The following EP400 variants were observed in gnomAD, a reference collection of about 807,000 sequenced individuals.
EP400 encodes the protein E1A-binding protein p400.
Under a neutral mutation model 354.1 loss-of-function variants are expected in EP400, and 105 were observed. The observed-to-expected ratio is 0.30, with a 90% CI of 0.25 to 0.35. EP400 has a LOEUF of 0.35. EP400 is among the 10% of genes least tolerant of loss of function. The pLI is 1.00. For synonymous variants in EP400, 1,646 were observed against 1,716.9 expected (o/e 0.96, Z 1.02); for missense variants, 3,280 against 4,121.0 (o/e 0.80, Z 5.59).
rs1210810583 is a variant in EP400 at position 132,069,500 on chromosome 12, C to T, written c.8880C>T (p.Thr2960=). ...ATTTCGCAGTCTCTCCCCAGATCAC[C>T]GCACAGCAGATCACCACCCCTGGCG... The part of the protein sequence containing the change: ...QGPAAVQQKI[T]AQQITTPGAQ... The change falls in exon 51 of 53, where the codon ACC becomes ACT. Residue 2960 remains threonine, a synonymous_variant. Transcript: ENST00000389561. The T allele has an allele frequency of 6.8e-6, 11 of 1,613,984 alleles. No individual in the cohort carries two copies. The highest frequency in any genetic ancestry group is 2.7e-5 in the African/African-American group (2 of 74,946).
Position 131,986,806 on chromosome 12 carries a change from T to C in EP400, c.2222T>C (p.Leu741Pro). The C allele has an allele frequency of 1.3e-6, 2 of 1,595,206 alleles. No individual in the cohort carries two copies. Among genetic ancestry groups the C allele is most frequent in the Non-Finnish European group, 1.7e-6 (2 of 1,169,750 alleles). The part of the protein sequence containing the change: ...SQDTLTEQIT[L>P]ENQVHQRIAE... The stretch of plus-strand genomic sequence containing the variant: ...GATACGCTGACAGAACAAATAACTC[T>C]GGTAAGCATGCTTAAGAAAGTTGTA... Residue 741 changes from leucine (L) to proline (P), a missense_variant and splice_region_variant, in exon 6 of 53, where the codon CTG (leucine) becomes CCG (proline). Physicochemically the swap from Leu to Pro is moderately conservative, Grantham distance 98. Around this residue, in one of 20 missense-constraint regions of EP400, gnomAD observed 800 missense variants for 840.0 expected, o/e 0.95. Coordinates refer to ENST00000389561, the MANE Select transcript of EP400 (RefSeq NM_015409.5).
At chr12:132,008,168 G>A (rs1426499381) in intron 15 of EP400, among the ~76,000 whole-genome samples, 4 of 152,116 alleles carry the variant, frequency 2.6e-5, no homozygotes, top group Non-Finnish European at 4.4e-5. Flanking sequence ...GGCTGGTCTC[G>A]AACTCCCAAC....
intron 32 of EP400, among the ~76,000 whole-genome samples, chr12:132,041,654 G>A (rs1894913953): frequency 6.6e-6 from 1 of 152,240 alleles, no homozygotes; most frequent in East Asian, 1.9e-4. Context: ...AAGCACGTAT[G>A]TGCAATTCAG....
rs1432705889 is a variant in EP400, at chr12:132,050,530, G to T, written c.7338-69G>T. The T allele has an allele frequency of 2.5e-6, 4 of 1,613,016 alleles. No individual in the cohort carries two copies. The highest frequency in any genetic ancestry group is 3.4e-6 in the Non-Finnish European group (4 of 1,179,198). ...ATTGCGTGAAGCTTGGTTTTGATGTGTTTTTAACATACCCTTCTTCAGATA... is the reference window on the plus strand; with the variant it reads ...ATTGCGTGAAGCTTGGTTTTGATGTTTTTTTAACATACCCTTCTTCAGATA... On this transcript the variant is annotated intron_variant, in intron 40 of 52. Coordinates refer to ENST00000389561, the MANE Select transcript of EP400 (RefSeq NM_015409.5). The surrounding 1 kb of genome is among the most constrained non-coding windows in gnomAD (Gnocchi z 4.8).
rs763001831 is a variant in EP400, at chr12:132,013,687, A to G, written c.3786+23A>G. The G allele has an allele frequency of 3.7e-6, 6 of 1,604,432 alleles. No homozygotes were observed. The highest frequency in any genetic ancestry group is 1.1e-5 in the South Asian group (1 of 90,068). On this transcript the variant is annotated intron_variant, in intron 18 of 52. Coordinates refer to ENST00000389561, the MANE Select transcript of EP400 (RefSeq NM_015409.5). The surrounding 1 kb of genome is among the most constrained non-coding windows in gnomAD (Gnocchi z 4.5). ...AGGGTAGGTTGGGTTCTGCCATTTC[A>G]GTTAATTAATTAAACATGCGTATGC...
chr12:131,953,850 C>T lies in EP400; in HGVS notation c.-36+3814C>T, dbSNP rs560426480. On this transcript the variant is annotated intron_variant, in intron 1 of 52. Transcript: ENST00000389561. ...GTGGTTGGCTGGGTGGGGTGGCTCA[C>T]GCCTGTAATCCAAGCACTTTGGGAG... is the stretch of plus-strand genomic sequence containing the variant. 5.9e-5 allele frequency among the ~76,000 whole-genome samples: 9 copies of T among 152,064 alleles called. No homozygotes were observed. The East Asian group carries it at 1.7e-3, about 30-fold the overall frequency.
rs760762550 is a variant in EP400, at chr12:132,053,435, G to T, written c.7566G>T (p.Pro2522=). 9.6e-7 allele frequency: 1 copy of T among 1,041,240 alleles called. No individual in the cohort carries two copies. 64.5% of individuals were successfully genotyped at this position (1,041,240 alleles called of 1,614,324 possible). Reference sequence around the variant, plus strand: ...CCCCACCACCCCCGCAGCAGCCACCGCCACCGCTGCCACAACCACAGGCAG... The same window carrying T: ...CCCCACCACCCCCGCAGCAGCCACCTCCACCGCTGCCACAACCACAGGCAG... ...PQPPPPPQQP[P]PPLPQPQAAG... is the part of the protein sequence containing the mutation. Residue 2522 remains proline, a synonymous_variant, in exon 43 of 53, where the codon CCG becomes CCT. Transcript: ENST00000389561.
At chr12:132,077,334 C>A in intron 52 of EP400, 67 bp from the exon 53 acceptor site, 2 of 1,538,400 alleles carry the variant, frequency 1.3e-6, no homozygotes, top group Non-Finnish European at 1.8e-6. Flanking sequence ...TCCCAAAGAA[C>A]GTCCATTTTC....
rs1896216866 is a variant in EP400 at position 132,075,795 on chromosome 12, CCGTGAGGG to C, written c.9022-719_9022-712del. 6.5e-6 allele frequency: 1 copy of C among 152,758 alleles called. No homozygotes were observed. Among genetic ancestry groups the C allele is most frequent in the South Asian group, 2.1e-4 (1 of 4,846 alleles). The allele number at this position is 152,758 out of a possible 1,614,324, so 9.5% of individuals were successfully genotyped here. ...ACAGGACCCAGCAAGAGACCAGGGT[CCGTGAGGG>C]CCTTGTGCAGGGAGGGCCCTTGAAA... On this transcript the variant is annotated intron_variant, in intron 51 of 52. Coordinates refer to ENST00000389561, the MANE Select transcript of EP400 (RefSeq NM_015409.5). The surrounding 1 kb of genome is among the most constrained non-coding windows in gnomAD (Gnocchi z 4.5).
chr12:131,973,296 G>A (rs576607761), intron 2 of EP400, among the ~76,000 whole-genome samples: 29 of 152,152 alleles, frequency 1.9e-4, no homozygotes, highest in Non-Finnish European at 2.8e-4. Flanking sequence ...GGTGCCCACC[G>A]TATACTCACT....
intron 12 of EP400, among the ~76,000 whole-genome samples, chr12:132,001,758 T>TC (rs1893423591): frequency 6.6e-6 from 1 of 152,220 alleles, no homozygotes; most frequent in African/African-American, 2.4e-5. Flanking sequence ...CTCGCACTCT[T>TC]GTCTTCTGGT....
chr12:132,023,898 C>T lies in EP400; in HGVS notation c.4812C>T (p.Ser1604=), dbSNP rs2136546376. 1 of 1,611,978 alleles carries T rather than the reference C, an allele frequency of 6.2e-7. No individual in the cohort carries two copies. Among genetic ancestry groups the T allele is most frequent in the Admixed American group, 1.7e-5 (1 of 59,804 alleles). Reference sequence around the variant, plus strand: ...GCAGCAAGTTCACCCTGTCACACAGCCAGCTCCGGCAGCTCACAGCGGGCC... The same window carrying T: ...GCAGCAAGTTCACCCTGTCACACAGTCAGCTCCGGCAGCTCACAGCGGGCC... ...FQGSKFTLSH[S]QLRQLTAGQP... Residue 1604 remains serine, a synonymous_variant, in exon 24 of 53, where the codon AGC becomes AGT. Transcript: ENST00000389561.
In EP400 at chr12:132,038,161, C is replaced by T; in HGVS notation, c.6207+65C>T. The stretch of plus-strand genomic sequence containing the variant: ...GGAGCCGGCGGAACACCTGCACCCT[C>T]CCCCAGGGTTCTGGGTGCTCAGTCC... On this transcript the variant is annotated intron_variant, in intron 32 of 52. Coordinates refer to ENST00000389561, the MANE Select transcript of EP400 (RefSeq NM_015409.5). The surrounding 1 kb of genome is among the most constrained non-coding windows in gnomAD (Gnocchi z 4.2). The T allele has an allele frequency of 6.3e-7, 1 of 1,594,568 alleles. No homozygotes were observed. Among genetic ancestry groups the T allele is most frequent in the Admixed American group, 1.7e-5 (1 of 59,228 alleles).
At chr12:132,062,948 G>A (rs1593383944) in intron 47 of EP400, among the ~76,000 whole-genome samples, 1 of 152,220 alleles carries the variant, frequency 6.6e-6, no homozygotes, top group East Asian at 1.9e-4. Flanking sequence ...CACCCAGCGT[G>A]CAAATGCGTC....
At chr12:132,040,173 A>G (rs1894850057) in intron 32 of EP400, among the ~76,000 whole-genome samples, 1 of 152,184 alleles carries the variant, frequency 6.6e-6, no homozygotes, top group Non-Finnish European at 1.5e-5. Context: ...GGAGGTACCA[A>G]CTGGCACCTA....
At chr12:131,998,377 T>C (rs1263612265) in intron 12 of EP400, among the ~76,000 whole-genome samples, 1 of 152,206 alleles carries the variant, frequency 6.6e-6, no homozygotes, top group Non-Finnish European at 1.5e-5. Context: ...AATTGCTGTC[T>C]TTATGAAGTT....
chr12:132,049,898 C>T (rs1370967471), intron 39 of EP400, among the ~76,000 whole-genome samples: 2 of 152,196 alleles, frequency 1.3e-5, no homozygotes, highest in African/African-American at 2.4e-5. Context: ...ACTGGGCATG[C>T]GCCAGCCTCA....
chr12:132,069,587 C>T lies in EP400; in HGVS notation c.8967C>T (p.Pro2989=). Residue 2989 remains proline, a synonymous_variant, in exon 51 of 53, where the codon CCC becomes CCT. Transcript: ENST00000389561. ...PALKTQFLTT[P]ISQAQKLAGA... ...TTAAGACCCAGTTTCTTACCACACC[C>T]ATCTCCCAGGCCCAGAAACTGGCCG... 6.2e-7 allele frequency: 1 copy of T among 1,614,258 alleles called. No individual in the cohort carries two copies. The highest frequency in any genetic ancestry group is 1.1e-5 in the South Asian group (1 of 91,092).
chr12:132,036,450 C>T (rs971220027), intron 30 of EP400, among the ~76,000 whole-genome samples: 2 of 152,224 alleles, frequency 1.3e-5, no homozygotes, highest in Non-Finnish European at 2.9e-5. Context: ...AACAACACAC[C>T]CAGGTTCACA....
Sources: gnomAD v4.1 joint callset for allele counts (sites outside exome capture counted in the v4.1 genomes callset) on GRCh38, gnomAD v4.1.1 for gene constraint, gnomAD v4.1.1 regional missense constraint, Gnocchi (gnomAD v3.1) non-coding constraint, MANE v1.5 for transcripts, NCBI Gene and HGNC (gene_info 2026-07-23, HGNC 2026-07-21) for gene names.